Variants in INPP4B observed in about 807,000 individuals in gnomAD.
INPP4B encodes the protein inositol polyphosphate 4-phosphatase type II.
INPP4B carries 55 observed loss-of-function variants against 122.5 expected under a neutral mutation model. The observed-to-expected ratio is 0.45, with a 90% CI of 0.36 to 0.56. INPP4B has a LOEUF of 0.56. Ranked by LOEUF, INPP4B falls within the 20% of genes least tolerant of loss-of-function variation. The pLI, the probability that INPP4B is intolerant of heterozygous loss-of-function variation, is 0.00. For synonymous variants in INPP4B, 403 were observed against 388.7 expected (o/e 1.04, Z -0.43); for missense variants, 1,000 against 1,097.7 (o/e 0.91, Z 1.26).
At chr4:142,704,284 T>C (rs886384828) in intron 2 of INPP4B, among the ~76,000 whole-genome samples, 6 of 152,214 alleles carry the variant, frequency 3.9e-5, no homozygotes, top group Non-Finnish European at 7.3e-5. Context: ...TTGAGATAGC[T>C]AATTTTCAGC....
At chr4:142,829,099 C>A (rs1275401068) in intron 1 of INPP4B, among the ~76,000 whole-genome samples, 3 of 147,112 alleles carry the variant, frequency 2.0e-5, no homozygotes, top group Non-Finnish European at 4.5e-5. Context: ...CATGAAGTGC[C>A]CAAAGAAATA....
chr4:142,370,608 T>C (rs536905073), intron 7 of INPP4B, among the ~76,000 whole-genome samples: 3 of 151,968 alleles, frequency 2.0e-5, no homozygotes, highest in African/African-American at 4.8e-5. Context: ...ATTTACAGGA[T>C]ACAAAATACA....
At chr4:142,452,485 G>T (rs1259553649) in intron 3 of INPP4B, among the ~76,000 whole-genome samples, 1 of 152,150 alleles carries the variant, frequency 6.6e-6, no homozygotes, top group East Asian at 1.9e-4. Context: ...TCTTTGAAAG[G>T]GCTTAGCTAA....
intron 2 of INPP4B, chr4:142,560,638 T>C (rs1394406277): frequency 6.6e-6 from 1 of 152,232 alleles, no homozygotes; most frequent in African/African-American, 2.4e-5. Context: ...CTGAAAAACA[T>C]GGATTCTGAT....
intron 4 of INPP4B, among the ~76,000 whole-genome samples, chr4:142,430,018 A>T (rs1808944025): frequency 6.6e-6 from 1 of 152,132 alleles, no homozygotes; most frequent in African/African-American, 2.4e-5. Context: ...ACATGTATGA[A>T]AAAGTAAACT....
At chr4:142,672,044 G>A (rs1385378432) in intron 2 of INPP4B, among the ~76,000 whole-genome samples, 1 of 152,096 alleles carries the variant, frequency 6.6e-6, no homozygotes, top group Non-Finnish European at 1.5e-5. Context: ...TTCCCATACT[G>A]TATGTTGTTA....
rs114732369 is a variant in INPP4B, at chr4:142,370,247, A to G, written c.372+32691T>C. ...TGTAATAGTCAATTACCAGCCAGAGACAGTGTCCAGCAGTATGTTTTGAAT... is the reference window on the plus strand; with the variant it reads ...TGTAATAGTCAATTACCAGCCAGAGGCAGTGTCCAGCAGTATGTTTTGAAT... On this transcript the variant is annotated intron_variant, in intron 7 of 25. Coordinates refer to ENST00000262992, the MANE Select transcript of INPP4B (RefSeq NM_001101669.3). 4.6e-3 allele frequency among the ~76,000 whole-genome samples: 699 copies of G among 152,308 alleles called. 4 individuals are homozygous for G. Among genetic ancestry groups the G allele is most frequent in the African/African-American group, 0.016 (664 of 41,580 alleles).
intron 2 of INPP4B, among the ~76,000 whole-genome samples, chr4:142,546,755 T>A (rs941250597): frequency 6.6e-6 from 1 of 152,114 alleles, no homozygotes; most frequent in East Asian, 1.9e-4. Context: ...CATTCAACAT[T>A]AACGCAACTT....
intron 18 of INPP4B, among the ~76,000 whole-genome samples, chr4:142,132,611 A>G (rs1191032489): frequency 6.6e-6 from 1 of 152,068 alleles, no homozygotes; most frequent in Non-Finnish European, 1.5e-5. Flanking sequence ...ATTTCTGAGG[A>G]TGAACTGTTG....
At chr4:142,183,791 C>T (rs1334888683) in intron 15 of INPP4B, among the ~76,000 whole-genome samples, 1 of 152,092 alleles carries the variant, frequency 6.6e-6, no homozygotes, top group African/African-American at 2.4e-5. Context: ...AAAATAAATC[C>T]TCAAATCATA....
intron 12 of INPP4B, among the ~76,000 whole-genome samples, chr4:142,223,231 A>G (rs1376121252): frequency 6.6e-6 from 1 of 151,968 alleles, no homozygotes; most frequent in Non-Finnish European, 1.5e-5. Context: ...CACACACTAT[A>G]GTCATAAGTG....
chr4:142,541,459 A>G (rs769770659), intron 2 of INPP4B, among the ~76,000 whole-genome samples: 17 of 152,296 alleles, frequency 1.1e-4, no homozygotes, highest in South Asian at 4.1e-4. Flanking sequence ...GTTGGCCCCA[A>G]TGCACAAACC....
chr4:142,545,289 C>T (rs1829415706), intron 2 of INPP4B, among the ~76,000 whole-genome samples: 2 of 152,088 alleles, frequency 1.3e-5, no homozygotes, highest in Non-Finnish European at 2.9e-5. Flanking sequence ...GTGCCAAACA[C>T]TGACTATTGT....
intron 7 of INPP4B, among the ~76,000 whole-genome samples, chr4:142,400,509 A>C (rs2149126946): frequency 6.6e-6 from 1 of 152,322 alleles, no homozygotes; most frequent in South Asian, 2.1e-4. Flanking sequence ...ACTTTAAAGA[A>C]AAACTTAAGA....
At chr4:142,332,518 T>C (rs879280441) in intron 7 of INPP4B, among the ~76,000 whole-genome samples, 3 of 151,742 alleles carry the variant, frequency 2.0e-5, no homozygotes, top group Non-Finnish European at 2.9e-5. Flanking sequence ...AAAGCATATA[T>C]AGTTAAAAAA....
intron 1 of INPP4B, among the ~76,000 whole-genome samples, chr4:142,768,209 G>A (rs1772450222): frequency 6.6e-6 from 1 of 152,110 alleles, no homozygotes; most frequent in Admixed American, 6.5e-5. Context: ...CATTTACTGA[G>A]TGCCTACCAG....
chr4:142,151,364 G>T (rs1813819021), intron 17 of INPP4B, among the ~76,000 whole-genome samples: 1 of 152,072 alleles, frequency 6.6e-6, no homozygotes, highest in South Asian at 2.1e-4. Context: ...ACATCCACCA[G>T]ATGAGATTCC....
intron 14 of INPP4B, among the ~76,000 whole-genome samples, chr4:142,202,047 C>T (rs1236700539): frequency 6.6e-6 from 1 of 151,876 alleles, no homozygotes; most frequent in Non-Finnish European, 1.5e-5. Context: ...ATGTGTCTTC[C>T]TTTTTGACAT....
intron 2 of INPP4B, among the ~76,000 whole-genome samples, chr4:142,668,685 G>A (rs1173103012): frequency 6.6e-6 from 1 of 152,062 alleles, no homozygotes; most frequent in Non-Finnish European, 1.5e-5. Flanking sequence ...AAAATTAGTA[G>A]CACTTTTGTA....
Sources: allele counts gnomAD v4.1 joint callset (sites outside exome capture counted in the v4.1 genomes callset), GRCh38; gene constraint gnomAD v4.1.1; transcripts MANE v1.5; gene names NCBI Gene and HGNC (gene_info 2026-07-23, HGNC 2026-07-21).